Variants in DNAJC6 observed in about 807,000 individuals in gnomAD.
DNAJC6 encodes the protein auxilin.
In DNAJC6, 34 loss-of-function variants were observed where a neutral mutation model predicts 110.0. That is an observed-to-expected ratio of 0.31 (90% CI 0.24 to 0.41). The LOEUF (loss-of-function observed/expected upper bound fraction) is 0.41, where lower values mean the gene tolerates loss of function less well. Ranked by LOEUF, DNAJC6 falls within the 10% of genes least tolerant of loss-of-function variation. DNAJC6 has a pLI of 1.00. For synonymous variants in DNAJC6, 406 were observed against 437.2 expected, an observed-to-expected ratio of 0.93 and a Z score of 0.89; for missense variants, 1,031 against 1,207.8, an observed-to-expected ratio of 0.85 and a Z score of 2.17.
intron 1 of DNAJC6, among the ~76,000 whole-genome samples, chr1:65,357,153 G>C (rs2101536013): frequency 6.6e-6 from 1 of 152,276 alleles, no homozygotes; most frequent in African/African-American, 2.4e-5. Flanking sequence ...TTTAGTTTCA[G>C]GGATTTCTAT....
intron 5 of DNAJC6, among the ~76,000 whole-genome samples, chr1:65,382,473 G>A (rs931084613): frequency 7.9e-5 from 12 of 152,038 alleles, no homozygotes; most frequent in South Asian, 2.1e-4. Flanking sequence ...GAATTATAAG[G>A]GTCACATAGT....
rs1645946773 is a variant in DNAJC6, at chr1:65,393,290, C to T, written c.1903+425C>T. ...TCAATAAATAAGGGCTATTTTTATC[C>T]CCATTTTATAGTTGAGGAAATGGAA... On this transcript the variant is annotated intron_variant, in intron 12 of 18. Transcript: ENST00000371069. 1.3e-5 allele frequency among the ~76,000 whole-genome samples: 2 copies of T among 151,766 alleles called. 1 individual carries two copies. Among genetic ancestry groups the T allele is most frequent in the South Asian group, 4.2e-4 (2 of 4,796 alleles).
intron 4 of DNAJC6, among the ~76,000 whole-genome samples, chr1:65,367,750 A>G (rs570048948): frequency 6.6e-6 from 1 of 152,200 alleles, no homozygotes; most frequent in African/African-American, 2.4e-5. Context: ...TTTTAATGAA[A>G]GGCATCTATC....
intron 1 of DNAJC6, among the ~76,000 whole-genome samples, chr1:65,323,799 C>T (rs1275049975): frequency 6.6e-6 from 1 of 152,044 alleles, no homozygotes; most frequent in Non-Finnish European, 1.5e-5. Context: ...CTATGTTGCC[C>T]AGGTTGGTCT....
At chr1:65,332,431 A>G (rs939449896) in intron 1 of DNAJC6, among the ~76,000 whole-genome samples, 7 of 152,238 alleles carry the variant, frequency 4.6e-5, no homozygotes, top group Admixed American at 6.5e-5. Flanking sequence ...TTAAGTGCAG[A>G]AATGAAAAAG....
chr1:65,366,982 C>T lies in DNAJC6; in HGVS notation c.543+786C>T, dbSNP rs537062996. On this transcript the variant is annotated intron_variant, in intron 4 of 18. Transcript: ENST00000371069. ...TTAGCTTTGATGCTGGAACACACTT[C>T]GTTCCAAATTCCAGTTACCATTGAT... Among the ~76,000 whole-genome samples the T allele has an allele frequency of 2.7e-4, 41 of 152,264 alleles. 1 individual carries two copies. Among genetic ancestry groups the T allele is most frequent in the South Asian group, 1.7e-3 (8 of 4,824 alleles).
chr1:65,325,601 T>C (rs1450535883), intron 1 of DNAJC6, among the ~76,000 whole-genome samples: 1 of 152,248 alleles, frequency 6.6e-6, no homozygotes, highest in African/African-American at 2.4e-5. Context: ...TGGAGCCTTA[T>C]GGATTTTCTA....
At chr1:65,405,731 C>A (rs1557565836) in intron 15 of DNAJC6, 139 bp from the exon 16 acceptor site, 1 of 1,004,732 alleles carries the variant, frequency 1.0e-6, no homozygotes, top group Non-Finnish European at 1.4e-6. Flanking sequence ...CCTGCAATTG[C>A]TTTATCTATA....
At chr1:65,375,484 T>C (rs2484168) in intron 4 of DNAJC6, among the ~76,000 whole-genome samples, 37,562 of 150,946 alleles carry the variant, frequency 0.25, 8,160 homozygotes, top group East Asian at 0.61. Context: ...GGAGTGCAGT[T>C]GTGCGATCTC....
At chr1:65,358,213 A>AATG (rs1442996029) in intron 1 of DNAJC6, among the ~76,000 whole-genome samples, 1 of 148,416 alleles carries the variant, frequency 6.7e-6, no homozygotes, top group Non-Finnish European at 1.5e-5. Context: ...AAACCTAATG[A>AATG]ATGTAACTTG....
At chr1:65,283,076 C>G (rs1404940082) in intron 1 of DNAJC6, among the ~76,000 whole-genome samples, 1 of 152,232 alleles carries the variant, frequency 6.6e-6, no homozygotes, top group Non-Finnish European at 1.5e-5. Flanking sequence ...ATGTTCACAT[C>G]TTATACCACC....
intron 1 of DNAJC6, among the ~76,000 whole-genome samples, chr1:65,361,308 C>G (rs183029713): frequency 4.1e-4 from 63 of 152,258 alleles, no homozygotes; most frequent in Middle Eastern, 6.8e-3. Flanking sequence ...TGTTTGTTTA[C>G]CAGTATTCAA....
At chr1:65,329,409 C>T (rs890817843) in intron 1 of DNAJC6, among the ~76,000 whole-genome samples, 1 of 152,076 alleles carries the variant, frequency 6.6e-6, no homozygotes, top group Non-Finnish European at 1.5e-5. Context: ...GAAATGGCTA[C>T]AGCTGACCCA....
At chr1:65,296,736 G>A (rs1245056444) in intron 1 of DNAJC6, among the ~76,000 whole-genome samples, 7 of 152,146 alleles carry the variant, frequency 4.6e-5, no homozygotes, top group African/African-American at 1.4e-4. Context: ...AAAGGCGCAC[G>A]CCACCACGCC....
At position 65,395,015 on chromosome 1, in the gene DNAJC6, C is replaced by T; in HGVS notation, c.2021C>T (p.Pro674Leu). The T allele has an allele frequency of 9.3e-6, 15 of 1,610,606 alleles. No homozygotes were observed. The highest frequency in any genetic ancestry group is 1.2e-5 in the Non-Finnish European group (14 of 1,178,954). Residue 674 changes from proline to leucine, a missense_variant, in exon 13 of 19, where the codon CCT becomes CTT. By Grantham distance (98) the Pro-to-Leu change is moderately conservative (BLOSUM62 -3). Coordinates refer to ENST00000371069, the MANE Select transcript of DNAJC6 (RefSeq NM_001256864.2). ...CCCTTTCTCCAGCCAACAAGAAGTCCTTCGCCCACAGTACATGGTAAGGAA... is the reference window on the plus strand; with the variant it reads ...CCCTTTCTCCAGCCAACAAGAAGTCTTTCGCCCACAGTACATGGTAAGGAA... ...SDPFLQPTRS[P>L]SPTVHASSTP... is the part of the protein sequence containing the mutation.
intron 1 of DNAJC6, among the ~76,000 whole-genome samples, chr1:65,353,040 T>C (rs1212363399): frequency 6.6e-6 from 1 of 152,208 alleles, no homozygotes; most frequent in African/African-American, 2.4e-5. Context: ...CCATCAGTCC[T>C]CTGCTATCTC....
chr1:65,343,623 C>A (rs1308354129), intron 1 of DNAJC6, among the ~76,000 whole-genome samples: 1 of 151,966 alleles, frequency 6.6e-6, no homozygotes, highest in Admixed American at 6.6e-5. Context: ...TCAAGTGACC[C>A]TTATTTTACT....
chr1:65,342,317 G>A (rs1370440299), intron 1 of DNAJC6, among the ~76,000 whole-genome samples: 1 of 152,124 alleles, frequency 6.6e-6, no homozygotes, highest in Non-Finnish European at 1.5e-5. Flanking sequence ...AATATTTGGA[G>A]GTAGGGCCTT....
intron 1 of DNAJC6, among the ~76,000 whole-genome samples, chr1:65,296,037 T>C (rs1309643623): frequency 6.6e-6 from 1 of 152,254 alleles, no homozygotes; most frequent in African/African-American, 2.4e-5. Context: ...ATTTCCTTTT[T>C]GTAATTTGCA....
Sources: allele counts gnomAD v4.1 joint callset (sites outside exome capture counted in the v4.1 genomes callset), GRCh38; gene constraint gnomAD v4.1.1; transcripts MANE v1.5; gene names NCBI Gene and HGNC (gene_info 2026-07-23, HGNC 2026-07-21).